The following VWF variants were observed in gnomAD, a reference collection of about 807,000 sequenced individuals.
VWF encodes von Willebrand factor, also known as Factor VIII related antigen.
A neutral mutation model predicts 308.6 loss-of-function variants in VWF; 176 were observed. The observed-to-expected ratio is 0.57, with a 90% confidence interval of 0.50 to 0.65. The LOEUF (loss-of-function observed/expected upper bound fraction) is 0.65, where lower values mean the gene tolerates loss of function less well. Ranked by LOEUF, VWF falls within the 30% of genes least tolerant of loss-of-function variation. The pLI, the probability that VWF is intolerant of heterozygous loss-of-function variation, is 0.00. For missense variants in VWF, 3,146 were observed against 3,648.2 expected (o/e 0.86, Z 3.55); for synonymous variants, 1,385 against 1,443.4 (o/e 0.96, Z 0.92).
intron 16 of VWF, among the ~76,000 whole-genome samples, chr12:6,052,114 A>C (rs1287330195): frequency 6.6e-6 from 1 of 152,238 alleles, no homozygotes; most frequent in African/African-American, 2.4e-5. Context: ...TGCATGAAGC[A>C]GGTCAGGGTA....
rs1006031855 is a variant in VWF, at chr12:6,029,565, C to T, written c.2821-77G>A. 3.8e-6 allele frequency: 6 copies of T among 1,578,610 alleles called. No individual in the cohort carries two copies. The African/African-American group carries it at 8.1e-5, about 21-fold the overall frequency. ...GCCAGATCCTCCCTCCACTCTACAC[C>T]TGCCCATCTGTCTTCAGTGCCCACG... On this transcript the variant is annotated intron_variant, in intron 21 of 51. Transcript: ENST00000261405.
intron 34 of VWF, among the ~76,000 whole-genome samples, chr12:6,000,473 A>G (rs1197987369): frequency 3.3e-5 from 5 of 152,186 alleles, no homozygotes; most frequent in African/African-American, 1.2e-4. Flanking sequence ...TTAAATACAT[A>G]GGAATTAATG....
At chr12:6,101,038 T>C (rs1174531106) in intron 5 of VWF, among the ~76,000 whole-genome samples, 1 of 151,980 alleles carries the variant, frequency 6.6e-6, no homozygotes, top group Non-Finnish European at 1.5e-5. Context: ...AAGAACAAGA[T>C]AATAAGAAAA....
At chr12:6,109,617 T>C (rs532761293) in intron 5 of VWF, among the ~76,000 whole-genome samples, 15 of 152,236 alleles carry the variant, frequency 9.9e-5, no homozygotes, top group African/African-American at 1.9e-4. Flanking sequence ...GTTTATGTAA[T>C]TGAAATTAAA....
Position 5,971,698 on chromosome 12 carries a change from G to A in VWF, c.7449C>T (p.Tyr2483=), listed in dbSNP as rs369629756. 4.4e-5 allele frequency: 71 copies of A among 1,614,030 alleles called. No homozygotes were observed. Among genetic ancestry groups the A allele is most frequent in the Middle Eastern group, 1.6e-4 (1 of 6,082 alleles). ...CACAGCACTCGCCTTCATGCAGAACGTAAGTGAAGCCCTGGAAAAGCAGAA... is the reference window on the plus strand; with the variant it reads ...CACAGCACTCGCCTTCATGCAGAACATAAGTGAAGCCCTGGAAAAGCAGAA... The part of the protein sequence containing the change: ...CEDSCRSGFT[Y]VLHEGECCGR... The change falls in exon 44 of 52, where the codon TAC becomes TAT. Residue 2483 remains tyrosine, a synonymous_variant. Transcript: ENST00000261405.
intron 6 of VWF, among the ~76,000 whole-genome samples, chr12:6,090,406 C>G (rs1945018838): frequency 6.6e-6 from 1 of 152,152 alleles, no homozygotes; most frequent in South Asian, 2.1e-4. Context: ...TCCTTCTAAC[C>G]TCAAGCTGTG....
intron 34 of VWF, among the ~76,000 whole-genome samples, chr12:6,001,922 T>A (rs1057225872): frequency 1.3e-5 from 2 of 152,162 alleles, no homozygotes; most frequent in East Asian, 1.9e-4. Context: ...AAAAATTTTT[T>A]AATTATTGTT....
intron 38 of VWF, among the ~76,000 whole-genome samples, chr12:5,988,563 C>T (rs190304831): frequency 6.6e-6 from 1 of 152,198 alleles, no homozygotes; most frequent in Non-Finnish European, 1.5e-5. Flanking sequence ...GGGTAACACA[C>T]AACAGATGAC....
At chr12:6,100,519 T>G (rs1355916586) in intron 5 of VWF, among the ~76,000 whole-genome samples, 4 of 151,474 alleles carry the variant, frequency 2.6e-5, no homozygotes, top group Non-Finnish European at 5.9e-5. Flanking sequence ...TAGACTGGAT[T>G]AAGAAAATGT....
At position 6,058,049 on chromosome 12, in the gene VWF, A is replaced by G; in HGVS notation, c.1534-5T>C. The G allele has an allele frequency of 6.2e-7, 1 of 1,612,992 alleles. No individual in the cohort carries two copies. On this transcript the variant is annotated splice_region_variant and splice_polypyrimidine_tract_variant and intron_variant, in intron 13 of 51. Coordinates refer to ENST00000261405, the MANE Select transcript of VWF (RefSeq NM_000552.5). The surrounding 1 kb of genome is among the most constrained non-coding windows in gnomAD (Gnocchi z 4.9). Reference sequence around the variant, plus strand: ...CCCGGCATAGACGGGGGACAGCTGCAGGAGAGACCAGGCCACTCTGGAGCC... The same window carrying G: ...CCCGGCATAGACGGGGGACAGCTGCGGGAGAGACCAGGCCACTCTGGAGCC...
intron 42 of VWF, among the ~76,000 whole-genome samples, chr12:5,977,559 A>C (rs753126961): frequency 1.3e-5 from 2 of 152,228 alleles, no homozygotes; most frequent in Non-Finnish European, 1.5e-5. Context: ...TATATTTTCA[A>C]AAAGAGAAAA....
chr12:6,123,612 AG>A (rs1945455866), intron 1 of VWF, among the ~76,000 whole-genome samples: 1 of 152,198 alleles, frequency 6.6e-6, no homozygotes, highest in Non-Finnish European at 1.5e-5. Context: ...CCACCACAGC[AG>A]CCCAGACATA....
intron 18 of VWF, among the ~76,000 whole-genome samples, chr12:6,039,934 G>C (rs995313073): frequency 2.0e-5 from 3 of 152,156 alleles, no homozygotes; most frequent in Non-Finnish European, 2.9e-5. Context: ...CGGGAAGTCA[G>C]CATCTCCCAG....
intron 6 of VWF, among the ~76,000 whole-genome samples, chr12:6,088,305 C>CAA (rs1944995092): frequency 6.6e-6 from 1 of 151,804 alleles, no homozygotes; most frequent in South Asian, 2.1e-4. Flanking sequence ...GGTGAAAACC[C>CAA]GTCTCTACTA....
chr12:6,050,835 A>C lies in VWF; in HGVS notation c.2186+1708T>G, dbSNP rs1337515980. ...CGGGGCGTGGTGGCAGGTGCCTGTAATCCCAGCTACTCGGGAGGATGAGGC... is the reference window on the plus strand; with the variant it reads ...CGGGGCGTGGTGGCAGGTGCCTGTACTCCCAGCTACTCGGGAGGATGAGGC... On this transcript the variant is annotated intron_variant, in intron 16 of 51. Coordinates refer to ENST00000261405, the MANE Select transcript of VWF (RefSeq NM_000552.5). Among the ~76,000 whole-genome samples, 3 of 152,052 alleles carry C rather than the reference A, an allele frequency of 2.0e-5. No individual in the cohort carries two copies. In the South Asian group the frequency reaches 6.2e-4, roughly 32 times the overall value.
chr12:5,981,885 GCAGGCA>G lies in VWF; in HGVS notation c.7182_7187del (p.Ala2395_Cys2396del). 6.2e-7 allele frequency: 1 copy of G among 1,613,598 alleles called. No individual in the cohort carries two copies. Among genetic ancestry groups the G allele is most frequent in the Non-Finnish European group, 8.5e-7 (1 of 1,179,896 alleles). ...AGCTCACTGTGGAGTTGACACAGTT[GCAGGCA>G]CACTCATACTCATCACAGCACTGGG... On this transcript the variant is annotated inframe_deletion, in exon 42 of 52. Transcript: ENST00000261405.
In VWF at chr12:6,032,198, G is replaced by GA. The variant is rs1260911085; in HGVS notation, c.2686-621dup. Among the ~76,000 whole-genome samples, 17 of 151,946 alleles carry GA rather than the reference G, an allele frequency of 1.1e-4. No homozygotes were observed. The South Asian group carries it at 1.2e-3, about 11-fold the overall frequency. On this transcript the variant is annotated intron_variant, in intron 20 of 51. Coordinates refer to ENST00000261405, the MANE Select transcript of VWF (RefSeq NM_000552.5). Reference sequence around the variant, plus strand: ...ATGGTGGCTATTATTGTGATGTGATGAAAAAGAAAGATAAAATGTTCAACT... The same window carrying GA: ...ATGGTGGCTATTATTGTGATGTGATGAAAAAAGAAAGATAAAATGTTCAACT...
chr12:6,092,612 AGTGAGAGTGTGT>A (rs1268201755), intron 6 of VWF, among the ~76,000 whole-genome samples: 4 of 70,432 alleles, frequency 5.7e-5, no homozygotes, highest in East Asian at 7.5e-4. Flanking sequence ...TTAGTGAGTG[AGTGAGAGTGTGT>A]GTGTGTGTGT....
intron 15 of VWF, among the ~76,000 whole-genome samples, chr12:6,054,177 G>A (rs1944549040): frequency 6.6e-6 from 1 of 152,190 alleles, no homozygotes; most frequent in Non-Finnish European, 1.5e-5. Context: ...AATGGAGTGG[G>A]GAGCCTCTGG....
Sources: gnomAD v4.1 joint callset for allele counts (sites outside exome capture counted in the v4.1 genomes callset) on GRCh38, gnomAD v4.1.1 for gene constraint, Gnocchi (gnomAD v3.1) non-coding constraint, MANE v1.5 for transcripts, NCBI Gene and HGNC (gene_info 2026-07-23, HGNC 2026-07-21) for gene names.